Variants in LRP1B observed in about 807,000 individuals in gnomAD.
LRP1B encodes the protein low-density lipoprotein receptor-related protein 1B.
A neutral mutation model predicts 556.6 loss-of-function variants in LRP1B; 217 were observed. The observed-to-expected ratio is 0.39, with a 90% CI of 0.35 to 0.44. LRP1B has a LOEUF of 0.44. Ranked by LOEUF, LRP1B falls within the 20% of genes least tolerant of loss-of-function variation. The pLI, the probability that LRP1B is intolerant of heterozygous loss-of-function variation, is 1.00. For missense variants in LRP1B, 5,053 were observed against 5,620.8 expected (o/e 0.90, Z 3.23); for synonymous variants, 2,047 against 1,865.8 (o/e 1.10, Z -2.50).
At chr2:141,684,842 T>C (rs1439322256) in intron 2 of LRP1B, among the ~76,000 whole-genome samples, 1 of 151,850 alleles carries the variant, frequency 6.6e-6, no homozygotes, top group African/African-American at 2.4e-5. Flanking sequence ...GAGACAGAGA[T>C]AGGACAGAAT....
intron 7 of LRP1B, among the ~76,000 whole-genome samples, chr2:141,099,120 A>G (rs1267293956): frequency 6.6e-6 from 1 of 152,146 alleles, no homozygotes; most frequent in Non-Finnish European, 1.5e-5. Flanking sequence ...ATATTCTAAA[A>G]CCCACTTTTA....
Position 140,351,028 on chromosome 2 carries a change from A to G in LRP1B, c.11661T>C (p.Asp3887=), listed in dbSNP as rs1193064670. ...NNTCIAEGSE[D]QVLYIANDTD... ...TGTCATTAGCAATGTAGAGAACTTGATCTTCAGAGCCTGGAGATTATTATA... is the reference window on the plus strand; with the variant it reads ...TGTCATTAGCAATGTAGAGAACTTGGTCTTCAGAGCCTGGAGATTATTATA... Residue 3887 remains aspartate, a synonymous_variant, in exon 77 of 91, where the codon GAT becomes GAC. Coordinates refer to ENST00000389484, the MANE Select transcript of LRP1B (RefSeq NM_018557.3). 1.1e-5 allele frequency: 18 copies of G among 1,575,408 alleles called. No individual in the cohort carries two copies. Among genetic ancestry groups the G allele is most frequent in the Middle Eastern group, 1.7e-4 (1 of 5,848 alleles).
rs1680543357 is a variant in LRP1B, at chr2:140,233,204, T to C, written c.13782A>G (p.Ile4594Met). Residue 4594 changes from isoleucine (I) to methionine (M), a missense_variant, in exon 91 of 91, where the codon ATA (isoleucine) becomes ATG (methionine). Ile to Met is a conservative substitution (Grantham distance 10). Around this residue, in one of 5 missense-constraint regions of LRP1B, gnomAD observed 551 missense variants for 592.0 expected, o/e 0.93. Coordinates refer to ENST00000389484, the MANE Select transcript of LRP1B (RefSeq NM_018557.3). Reference protein sequence around the residue: ...ELLPKKIEIGIRETVA With the variant: ...ELLPKKIEIGMRETVA Reference sequence around the variant, plus strand: ...TCACTGATTATGCCACTGTCTCTCTTATACCAATTTCTATTTTCTTTGGAA... The same window carrying C: ...TCACTGATTATGCCACTGTCTCTCTCATACCAATTTCTATTTTCTTTGGAA... 6.2e-7 allele frequency: 1 copy of C among 1,600,180 alleles called. No individual in the cohort carries two copies. The highest frequency in any genetic ancestry group is 1.3e-5 in the African/African-American group (1 of 74,256).
chr2:140,409,218 T>C (rs1684869942), intron 66 of LRP1B, among the ~76,000 whole-genome samples: 1 of 151,910 alleles, frequency 6.6e-6, no homozygotes, highest in Admixed American at 6.6e-5. Flanking sequence ...TGTAAACTGA[T>C]AACTTTATAG....
chr2:140,563,350 T>C (rs1246560058), intron 43 of LRP1B, among the ~76,000 whole-genome samples: 1 of 152,242 alleles, frequency 6.6e-6, no homozygotes, highest in African/African-American at 2.4e-5. Context: ...ATATTTTCTA[T>C]TTCATTCTTC....
chr2:141,644,434 C>G (rs1689472716), intron 2 of LRP1B, among the ~76,000 whole-genome samples: 1 of 152,032 alleles, frequency 6.6e-6, no homozygotes, highest in Admixed American at 6.6e-5. Flanking sequence ...AACTGTAAGT[C>G]CATCAAACCT....
chr2:140,656,904 G>A (rs1466980896), intron 41 of LRP1B, among the ~76,000 whole-genome samples: 1 of 151,966 alleles, frequency 6.6e-6, no homozygotes, highest in Non-Finnish European at 1.5e-5. Context: ...GCTAACTAGG[G>A]TCAATTTAAA....
At chr2:140,764,404 T>C (rs1029737197) in intron 35 of LRP1B, among the ~76,000 whole-genome samples, 2 of 152,080 alleles carry the variant, frequency 1.3e-5, no homozygotes, top group African/African-American at 4.8e-5. Flanking sequence ...GGATACTCCA[T>C]TAGTATATGG....
intron 41 of LRP1B, among the ~76,000 whole-genome samples, chr2:140,621,784 C>T (rs576199413): frequency 6.6e-5 from 10 of 152,250 alleles, no homozygotes; most frequent in African/African-American, 2.2e-4. Context: ...CTGCCAAACA[C>T]CATCTATCAC....
intron 2 of LRP1B, among the ~76,000 whole-genome samples, chr2:141,760,620 A>G (rs1467389705): frequency 6.6e-6 from 1 of 152,220 alleles, no homozygotes; most frequent in Non-Finnish European, 1.5e-5. Flanking sequence ...TTAACAAAAG[A>G]AAGCAAAATC....
chr2:141,777,094 G>A (rs1025555438), intron 2 of LRP1B, among the ~76,000 whole-genome samples: 3 of 152,176 alleles, frequency 2.0e-5, no homozygotes, highest in African/African-American at 2.4e-5. Flanking sequence ...GACAACAAGA[G>A]TGAAAGCTGA....
intron 7 of LRP1B, among the ~76,000 whole-genome samples, chr2:141,138,940 T>A: frequency 6.6e-6 from 1 of 151,966 alleles, no homozygotes; most frequent in East Asian, 1.9e-4. Context: ...ATTGGATAGA[T>A]AAGAGTGCCT....
chr2:141,123,441 A>T (rs1244643144), intron 7 of LRP1B, among the ~76,000 whole-genome samples: 1 of 151,960 alleles, frequency 6.6e-6, no homozygotes, highest in East Asian at 1.9e-4. Context: ...TGATTTATTA[A>T]TCTGGTATCT....
chr2:141,155,577 A>G (rs1235749003), intron 7 of LRP1B, among the ~76,000 whole-genome samples: 1 of 151,806 alleles, frequency 6.6e-6, no homozygotes, highest in East Asian at 1.9e-4. Flanking sequence ...TGCTGCACCT[A>G]TCAACCAAAA....
chr2:140,982,854 A>G (rs1167177592), intron 17 of LRP1B, among the ~76,000 whole-genome samples: 1 of 122,880 alleles, frequency 8.1e-6, no homozygotes, highest in African/African-American at 3.6e-5. Context: ...ATTTGGCCTT[A>G]AGGTGTTTTT....
intron 18 of LRP1B, among the ~76,000 whole-genome samples, chr2:140,958,419 A>G (rs1695938468): frequency 6.6e-6 from 1 of 151,686 alleles, no homozygotes; most frequent in Admixed American, 6.6e-5. Flanking sequence ...TTGGAATTAC[A>G]AACCGCATGA....
At chr2:140,659,967 T>G (rs1053493458) in intron 41 of LRP1B, among the ~76,000 whole-genome samples, 2 of 152,128 alleles carry the variant, frequency 1.3e-5, no homozygotes, top group Non-Finnish European at 2.9e-5. Context: ...ATAACTAATA[T>G]TTTTGTTTTC....
chr2:141,863,093 C>G (rs1191619189), intron 1 of LRP1B, among the ~76,000 whole-genome samples: 2 of 152,038 alleles, frequency 1.3e-5, no homozygotes, highest in African/African-American at 4.8e-5. Context: ...GTCCTATTGC[C>G]CACTGGATGA....
intron 77 of LRP1B, among the ~76,000 whole-genome samples, chr2:140,344,731 G>A (rs1170312824): frequency 6.6e-6 from 1 of 151,684 alleles, no homozygotes; most frequent in Admixed American, 6.6e-5. Context: ...AGTTGGACAG[G>A]GGATGATATC....
Sources: allele counts gnomAD v4.1 joint callset (sites outside exome capture counted in the v4.1 genomes callset), GRCh38; gene constraint gnomAD v4.1.1; regional missense constraint gnomAD v4.1.1; transcripts MANE v1.5; gene names NCBI Gene and HGNC (gene_info 2026-07-23, HGNC 2026-07-21).